The following TENM2 variants were observed in gnomAD, a reference collection of about 807,000 sequenced individuals.
TENM2 encodes the protein teneurin-2.
TENM2 carries 52 observed loss-of-function variants against 245.2 expected under a neutral mutation model. The ratio of observed to expected loss-of-function variants is 0.21; its 90% CI spans 0.17 to 0.27. The LOEUF is 0.27. Ranked by LOEUF, TENM2 falls within the 10% of genes least tolerant of loss-of-function variation. TENM2 has a pLI of 1.00. For missense variants in TENM2, 3,046 were observed against 3,666.8 expected, an observed-to-expected ratio of 0.83 and a Z score of 4.37; for synonymous variants, 1,363 against 1,438.9, an observed-to-expected ratio of 0.95 and a Z score of 1.19.
intron 9 of TENM2, among the ~76,000 whole-genome samples, chr5:168,115,908 G>A (rs925325799): frequency 1.3e-5 from 2 of 152,206 alleles, no homozygotes; most frequent in Admixed American, 6.5e-5. Context: ...AGTGATGTCT[G>A]TAGAGGTGTG....
chr5:167,457,908 A>C (rs2127486677), intron 2 of TENM2, among the ~76,000 whole-genome samples: 1 of 152,288 alleles, frequency 6.6e-6, no homozygotes, highest in South Asian at 2.1e-4. Flanking sequence ...TAAGCAAAAT[A>C]TTTACCAAAC....
the TENM2 span, among the ~76,000 whole-genome samples, chr5:167,203,144 A>C: frequency 2.0e-5 from 3 of 152,158 alleles, no homozygotes; most frequent in Non-Finnish European, 2.9e-5. Flanking sequence ...TCCAGAGCAC[A>C]GTCTGGATCA....
the TENM2 span, among the ~76,000 whole-genome samples, chr5:167,224,700 A>G: frequency 6.6e-6 from 1 of 151,902 alleles, no homozygotes; most frequent in East Asian, 1.9e-4. Flanking sequence ...TACAAACTTT[A>G]GGATTTTTTT....
At chr5:168,200,533 A>G (rs1761847864) in intron 17 of TENM2, among the ~76,000 whole-genome samples, 2 of 152,180 alleles carry the variant, frequency 1.3e-5, no homozygotes, top group South Asian at 4.1e-4. Flanking sequence ...TGTTTGACAG[A>G]CAGAGAGAAG....
the TENM2 span, among the ~76,000 whole-genome samples, chr5:167,137,453 G>C: frequency 2.0e-5 from 3 of 152,084 alleles, no homozygotes; most frequent in Non-Finnish European, 4.4e-5. Context: ...CTTTTTTCCA[G>C]CTCTCATGTG....
intron 2 of TENM2, among the ~76,000 whole-genome samples, chr5:167,515,628 TACATATATA>T (rs1770290729): frequency 7.0e-6 from 1 of 142,178 alleles, no homozygotes; most frequent in Admixed American, 7.1e-5. Context: ...TACATATATA[TACATATATA>T]TGTATATATA....
At chr5:167,688,405 T>C (rs1405053384) in intron 2 of TENM2, among the ~76,000 whole-genome samples, 3 of 152,226 alleles carry the variant, frequency 2.0e-5, no homozygotes, top group African/African-American at 4.8e-5. Context: ...TGATCCCCTA[T>C]TGTTGGGCAT....
chr5:168,081,131 T>C (rs535895930), intron 7 of TENM2, among the ~76,000 whole-genome samples: 1 of 152,232 alleles, frequency 6.6e-6, no homozygotes, highest in Admixed American at 6.5e-5. Flanking sequence ...TGGGTGCATA[T>C]ATATTTAGGA....
chr5:167,249,512 C>T, the TENM2 span, among the ~76,000 whole-genome samples: 2 of 152,154 alleles, frequency 1.3e-5, no homozygotes, highest in South Asian at 2.1e-4. Context: ...TCCTTATATT[C>T]GACAAGTATT....
intron 2 of TENM2, among the ~76,000 whole-genome samples, chr5:167,581,634 A>G (rs1028997699): frequency 2.0e-5 from 3 of 152,198 alleles, no homozygotes; most frequent in African/African-American, 7.2e-5. Flanking sequence ...ATGTATGTGC[A>G]TATATCTTTA....
chr5:167,774,465 T>G (rs1193704284), intron 2 of TENM2, among the ~76,000 whole-genome samples: 1 of 152,166 alleles, frequency 6.6e-6, no homozygotes, highest in Non-Finnish European at 1.5e-5. Context: ...GTGGATGCAT[T>G]GACCCAGGTG....
At chr5:167,565,853 G>T (rs1390005071) in intron 2 of TENM2, among the ~76,000 whole-genome samples, 1 of 152,136 alleles carries the variant, frequency 6.6e-6, no homozygotes, top group African/African-American at 2.4e-5. Context: ...CACCCAAAAA[G>T]ATTTAACTGG....
chr5:167,741,955 GA>G (rs1435881377), intron 2 of TENM2, among the ~76,000 whole-genome samples: 1 of 152,114 alleles, frequency 6.6e-6, no homozygotes, highest in African/African-American at 2.4e-5. Flanking sequence ...TTGGATGCAG[GA>G]ACAATGAGTA....
chr5:167,316,844 CAT>C (rs1351840703), intron 1 of TENM2, among the ~76,000 whole-genome samples: 1 of 152,166 alleles, frequency 6.6e-6, no homozygotes, highest in Non-Finnish European at 1.5e-5. Context: ...ATCTGGTACT[CAT>C]ATTGCATAAG....
chr5:167,360,016 C>CACT (rs1327155180), intron 1 of TENM2, among the ~76,000 whole-genome samples: 3 of 152,108 alleles, frequency 2.0e-5, no homozygotes, highest in Admixed American at 6.6e-5. Flanking sequence ...CTGGGGTCTA[C>CACT]CTCAGGGTGG....
At chr5:167,179,965 A>C in the TENM2 span, among the ~76,000 whole-genome samples, 1 of 152,170 alleles carries the variant, frequency 6.6e-6, no homozygotes, top group Non-Finnish European at 1.5e-5. Flanking sequence ...ATATTCATGG[A>C]AAGGCAGGAC....
the TENM2 span, among the ~76,000 whole-genome samples, chr5:167,072,564 C>T: frequency 2.0e-5 from 3 of 152,196 alleles, no homozygotes; most frequent in Non-Finnish European, 4.4e-5. Flanking sequence ...AGGAGTTTTA[C>T]GTGCCGGGCA....
At chr5:167,155,728 T>A in the TENM2 span, among the ~76,000 whole-genome samples, 17 of 152,216 alleles carry the variant, frequency 1.1e-4, no homozygotes, top group Non-Finnish European at 2.1e-4. Flanking sequence ...AACTCAAGAA[T>A]GCCCCTCTAA....
intron 2 of TENM2, among the ~76,000 whole-genome samples, chr5:167,647,451 C>T (rs1434315470): frequency 6.6e-6 from 1 of 151,912 alleles, no homozygotes; most frequent in Admixed American, 6.6e-5. Flanking sequence ...GGTGAAACCC[C>T]GTCTCTACTA....
Sources: gnomAD v4.1 joint callset for allele counts (sites outside exome capture counted in the v4.1 genomes callset) on GRCh38, gnomAD v4.1.1 for gene constraint, MANE v1.5 for transcripts, NCBI Gene and HGNC (gene_info 2026-07-23, HGNC 2026-07-21) for gene names.